The following DIPK1A variants were observed in gnomAD, a reference collection of about 807,000 sequenced individuals.
DIPK1A encodes divergent protein kinase domain 1A, also known as family with sequence similarity 69 member A.
A neutral mutation model predicts 40.8 loss-of-function variants in DIPK1A; 27 were observed. The ratio of observed to expected loss-of-function variants is 0.66; its 90% CI spans 0.49 to 0.91. DIPK1A has a LOEUF of 0.91. Ranked by LOEUF, DIPK1A falls within the 40% of genes least tolerant of loss-of-function variation. The pLI, the probability that DIPK1A is intolerant of heterozygous loss-of-function variation, is 0.00. For missense variants in DIPK1A, 412 were observed against 505.7 expected (o/e 0.81, Z 1.78); for synonymous variants, 166 against 171.3 (o/e 0.97, Z 0.24).
intron 1 of DIPK1A, among the ~76,000 whole-genome samples, chr1:92,879,902 C>T (rs1050483320): frequency 4.6e-5 from 7 of 152,084 alleles, no homozygotes; most frequent in African/African-American, 1.4e-4. Flanking sequence ...GTTTTTTGTT[C>T]GGCAGATTGT....
chr1:92,904,564 T>C (rs182342607), intron 1 of DIPK1A, among the ~76,000 whole-genome samples: 1 of 152,238 alleles, frequency 6.6e-6, no homozygotes, highest in East Asian at 1.9e-4. Flanking sequence ...ATTTATGAGG[T>C]ACACGAGATT....
At chr1:92,944,338 T>C (rs1240126776) in intron 1 of DIPK1A, among the ~76,000 whole-genome samples, 4 of 152,042 alleles carry the variant, frequency 2.6e-5, no homozygotes, top group African/African-American at 9.7e-5. Flanking sequence ...TGAGAAAGGA[T>C]CCAAGTCTTA....
chr1:92,846,886 C>T lies in DIPK1A; in HGVS notation c.474+297G>A, dbSNP rs1311710387. 3.4e-3 allele frequency among the ~76,000 whole-genome samples: 17 copies of T among 4,930 alleles called. 7 individuals are homozygous for T. Among genetic ancestry groups the T allele is most frequent in the African/African-American group, 0.018 (13 of 736 alleles). 3.2% of individuals were successfully genotyped at this position (4,930 alleles called of 152,430 possible). A position where few individuals can be genotyped will look rare whatever the true frequency, so the allele number is the denominator to read the frequency against. On this transcript the variant is annotated intron_variant, in intron 4 of 4. Coordinates refer to ENST00000370310, the MANE Select transcript of DIPK1A (RefSeq NM_001006605.5). ...GTGTATATATATATATATATATACA[C>T]ACACACGTATATATATATATACGTG...
At chr1:92,845,546 A>G in intron 4 of DIPK1A, 1 of 377,500 alleles carries the variant, frequency 2.6e-6, no homozygotes, top group Admixed American at 3.5e-5. Context: ...CTGCTGAAAA[A>G]AAAAAAAAAA....
At chr1:92,931,244 G>T (rs560465994) in intron 1 of DIPK1A, 1 of 156,818 alleles carries the variant, frequency 6.4e-6, no homozygotes, top group Non-Finnish European at 1.4e-5. Flanking sequence ...CATAAACTGC[G>T]GTACATCAGA....
At position 92,918,664 on chromosome 1, in the gene DIPK1A, T is replaced by C. The variant is rs950305780; in HGVS notation, c.55-42234A>G. On this transcript the variant is annotated intron_variant, in intron 1 of 4. Coordinates refer to ENST00000370310, the MANE Select transcript of DIPK1A (RefSeq NM_001006605.5). ...TTATACCCCACCTTTACAATTTTGG[T>C]TGGCAGCAGTCTGTAGATTGCTTGG... 2.6e-5 allele frequency among the ~76,000 whole-genome samples: 4 copies of C among 152,194 alleles called. No individual in the cohort carries two copies. In the South Asian group the frequency reaches 8.3e-4, roughly 31 times the overall value.
chr1:92,953,181 G>A (rs1448495344), intron 1 of DIPK1A, among the ~76,000 whole-genome samples: 1 of 151,744 alleles, frequency 6.6e-6, no homozygotes, highest in Admixed American at 6.6e-5. Context: ...CTAATCATCA[G>A]GAAAGTGAAT....
At chr1:92,851,558 A>C (rs902884799) in intron 2 of DIPK1A, among the ~76,000 whole-genome samples, 2 of 94,352 alleles carry the variant, frequency 2.1e-5, no homozygotes, top group African/African-American at 6.7e-5. Flanking sequence ...AAAAAAAAAA[A>C]AAAACTTCTG....
At position 92,947,006 on chromosome 1, in the gene DIPK1A, A is replaced by T. The variant is rs577988923; in HGVS notation, c.54+14370T>A. Among the ~76,000 whole-genome samples, 200 of 151,968 alleles carry T rather than the reference A, an allele frequency of 1.3e-3. 1 individual carries two copies. The highest frequency in any genetic ancestry group is 4.7e-3 in the African/African-American group (193 of 41,498). ...TATTATGTAGAGCAGTGATCTCCAA[A>T]TTTTTTTGATAATGCAATCCTTTCA... On this transcript the variant is annotated intron_variant, in intron 1 of 4. Coordinates refer to ENST00000370310, the MANE Select transcript of DIPK1A (RefSeq NM_001006605.5).
At chr1:92,890,156 T>C (rs996809347) in intron 1 of DIPK1A, among the ~76,000 whole-genome samples, 1 of 152,254 alleles carries the variant, frequency 6.6e-6, no homozygotes, top group Non-Finnish European at 1.5e-5. Context: ...GATTTTTGTA[T>C]ATTGATTTTG....
chr1:92,841,180 G>A (rs1687349971), downstream of DIPK1A, among the ~76,000 whole-genome samples: 1 of 152,140 alleles, frequency 6.6e-6, no homozygotes, highest in African/African-American at 2.4e-5. Context: ...ACTATCATCT[G>A]CCCATTCTTT....
intron 2 of DIPK1A, among the ~76,000 whole-genome samples, chr1:92,874,096 C>A (rs1201196678): frequency 6.6e-6 from 1 of 152,116 alleles, no homozygotes; most frequent in East Asian, 1.9e-4. Flanking sequence ...CTTTCATTAT[C>A]TTCAGGGTTT....
intron 1 of DIPK1A, among the ~76,000 whole-genome samples, chr1:92,943,753 T>C (rs1651259206): frequency 1.3e-5 from 2 of 152,278 alleles, no homozygotes; most frequent in South Asian, 4.1e-4. Context: ...CAGTCAGGCA[T>C]CCATTCCGGT....
chr1:92,842,806 A>G lies in DIPK1A; in HGVS notation c.*577T>C, dbSNP rs939204187. 6 of 985,350 alleles carry G rather than the reference A, an allele frequency of 6.1e-6. No homozygotes were observed. The African/African-American group carries it at 8.7e-5, about 14-fold the overall frequency. 61.0% of individuals were successfully genotyped at this position (985,350 alleles called of 1,614,324 possible). On this transcript the variant is annotated 3_prime_UTR_variant, in exon 5 of 5. Transcript: ENST00000370310. ...AAGATTTCTTGAAGTAAGCCACTTG[A>G]ACCATTGTGAAGCTACACATAACTT... is the stretch of plus-strand genomic sequence containing the variant.
chr1:92,917,732 C>T (rs1650109212), intron 1 of DIPK1A, among the ~76,000 whole-genome samples: 2 of 151,956 alleles, frequency 1.3e-5, no homozygotes, highest in African/African-American at 4.8e-5. Context: ...AGAAGAATAC[C>T]CAACCAGAGA....
chr1:92,923,587 C>T (rs1412597972), intron 1 of DIPK1A, among the ~76,000 whole-genome samples: 1 of 152,164 alleles, frequency 6.6e-6, no homozygotes, highest in Non-Finnish European at 1.5e-5. Flanking sequence ...ATGATGTTCC[C>T]TTTGTTCTGA....
chr1:92,840,292 A>G (rs1265699778), downstream of DIPK1A: 3 of 422,488 alleles, frequency 7.1e-6, no homozygotes, highest in African/African-American at 6.1e-5. Context: ...GATTACAGGC[A>G]TGAACCACCA....
downstream of DIPK1A, chr1:92,840,201 A>C (rs1364964589): frequency 3.7e-6 from 1 of 269,650 alleles, no homozygotes; most frequent in Non-Finnish European, 7.2e-6. Context: ...TTATGGAGAC[A>C]GGTCTCACTG....
chr1:92,876,931 C>A, intron 1 of DIPK1A: 1 of 943,318 alleles, frequency 1.1e-6, no homozygotes, highest in Non-Finnish European at 1.3e-6. Context: ...TTAAGCTCTA[C>A]AGTCATTTCT....
Sources: gnomAD v4.1 joint callset for allele counts (sites outside exome capture counted in the v4.1 genomes callset) on GRCh38, gnomAD v4.1.1 for gene constraint, MANE v1.5 for transcripts, NCBI Gene and HGNC (gene_info 2026-07-23, HGNC 2026-07-21) for gene names.